TEX29: variants seen among roughly 807,000 people sequenced by gnomAD.
TEX29 encodes the protein testis expressed 29.
TEX29 carries 26 observed loss-of-function variants against 18.2 expected under a neutral mutation model. That is an observed-to-expected ratio of 1.43 (90% CI 1.04 to 1.98). The LOEUF is 1.98. TEX29 is among the 30% of genes most tolerant of loss of function. The pLI is 0.00. For synonymous variants in TEX29, 83 were observed against 78.5 expected, an observed-to-expected ratio of 1.06 and a Z score of -0.31; for missense variants, 177 against 194.2, an observed-to-expected ratio of 0.91 and a Z score of 0.53.
intron 2 of TEX29, among the ~76,000 whole-genome samples, chr13:111,322,644 C>T (rs1028700654): frequency 6.6e-6 from 1 of 152,214 alleles, no homozygotes; most frequent in Admixed American, 6.5e-5. Flanking sequence ...TTGCCATGGC[C>T]ATGCCCAGGA....
chr13:111,318,564 C>T (rs1431748035), upstream of TEX29, among the ~76,000 whole-genome samples: 1 of 152,178 alleles, frequency 6.6e-6, no homozygotes, highest in Non-Finnish European at 1.5e-5. Flanking sequence ...CAGTGGCTCC[C>T]GCAGCTTCCC....
chr13:111,334,230 G>T (rs567774999), intron 3 of TEX29, among the ~76,000 whole-genome samples: 2 of 152,244 alleles, frequency 1.3e-5, no homozygotes, highest in Admixed American at 1.3e-4. Flanking sequence ...CACCTCCCCA[G>T]GTTTTATTGT....
chr13:111,339,286 G>A (rs776897058), intron 3 of TEX29: 8 of 454,890 alleles, frequency 1.8e-5, no homozygotes, highest in Non-Finnish European at 3.1e-5. Context: ...TGTTTTCCTT[G>A]TATTCAGTTT....
intron 3 of TEX29, among the ~76,000 whole-genome samples, chr13:111,328,911 G>A (rs545396957): frequency 4.6e-5 from 7 of 152,336 alleles, no homozygotes; most frequent in African/African-American, 1.7e-4. Context: ...CTTCCGGAGG[G>A]AGGCGCGCCC....
chr13:111,339,370 A>T, intron 3 of TEX29: 2 of 455,280 alleles, frequency 4.4e-6, no homozygotes, highest in South Asian at 3.1e-5. Flanking sequence ...CAGAGGGGCC[A>T]GCGCCATCTC....
In TEX29 at chr13:111,344,077, A is replaced by G. The variant is rs1156391881; in HGVS notation, c.416-6A>G. The G allele has an allele frequency of 1.9e-6, 3 of 1,609,858 alleles. No individual in the cohort carries two copies. The highest frequency in any genetic ancestry group is 3.4e-5 in the Admixed American group (2 of 59,688). On this transcript the variant is annotated splice_region_variant and splice_polypyrimidine_tract_variant and intron_variant, in intron 5 of 5. Transcript: ENST00000283547. ...AAAAAACAATTCTTCTTTTCTAAAA[A>G]TCTAGTAACAGGGACAATAACAGAA...
In TEX29 at chr13:111,342,840, C is replaced by G; in HGVS notation, c.324C>G (p.Ala108=). ...PQKSSEKAEL[A]SSSSKLGLKP... is the part of the protein sequence containing the mutation. ...AGTCCAGCGAAAAGGCGGAGTTGGC[C>G]TCATCCAGCAGCAAGTTAGGGCTGA... The change falls in exon 5 of 6, where the codon GCC becomes GCG. Residue 108 remains alanine (A), a synonymous_variant. Coordinates refer to ENST00000283547, the MANE Select transcript of TEX29 (RefSeq NM_152324.3). 6.2e-7 allele frequency: 1 copy of G among 1,614,150 alleles called. No individual in the cohort carries two copies. The highest frequency in any genetic ancestry group is 8.5e-7 in the Non-Finnish European group (1 of 1,180,040).
At chr13:111,330,436 C>T (rs943346236) in intron 3 of TEX29, among the ~76,000 whole-genome samples, 1 of 152,226 alleles carries the variant, frequency 6.6e-6, no homozygotes, top group African/African-American at 2.4e-5. Flanking sequence ...ACGACGGCTC[C>T]TGCAGATCCT....
chr13:111,344,165 A>C lies in TEX29; in HGVS notation c.*42A>C, dbSNP rs777311457. 6.4e-7 allele frequency: 1 copy of C among 1,553,518 alleles called. No individual in the cohort carries two copies. Among genetic ancestry groups the C allele is most frequent in the South Asian group, 1.1e-5 (1 of 89,490 alleles). ...AGTGGAGATTGTCAGAATTATCCAA[A>C]TGAAATGGTACAGCAGGTGCACTGT... On this transcript the variant is annotated 3_prime_UTR_variant, in exon 6 of 6. Coordinates refer to ENST00000283547, the MANE Select transcript of TEX29 (RefSeq NM_152324.3).
At chr13:111,340,132 A>C (rs1454295982) in intron 4 of TEX29, among the ~76,000 whole-genome samples, 200 bp downstream of exon 4, 2 of 151,916 alleles carry the variant, frequency 1.3e-5, no homozygotes, top group Admixed American at 6.6e-5. Flanking sequence ...TGTTGATGAA[A>C]ATCATAACCC....
chr13:111,317,622 A>G (rs1262838138), upstream of TEX29, among the ~76,000 whole-genome samples: 1 of 152,244 alleles, frequency 6.6e-6, no homozygotes, highest in Non-Finnish European at 1.5e-5. Flanking sequence ...CAGCGAAGTC[A>G]TCAACACGGG....
intron 3 of TEX29, among the ~76,000 whole-genome samples, chr13:111,337,285 C>A (rs906869709): frequency 1.3e-5 from 2 of 152,150 alleles, no homozygotes; most frequent in African/African-American, 2.4e-5. Context: ...TTGGCTGTCT[C>A]ATGAGATTGT....
Position 111,342,739 on chromosome 13 carries a change from A to T in TEX29, c.240-17A>T. 6.2e-7 allele frequency: 1 copy of T among 1,610,172 alleles called. No individual in the cohort carries two copies. Among genetic ancestry groups the T allele is most frequent in the Non-Finnish European group, 8.5e-7 (1 of 1,177,112 alleles). On this transcript the variant is annotated splice_polypyrimidine_tract_variant and intron_variant, in intron 4 of 5. Coordinates refer to ENST00000283547, the MANE Select transcript of TEX29 (RefSeq NM_152324.3). ...TCTGTAACTTCCCTGACTGTGATAA[A>T]ACCCTCTTCCCATCAGAGTCATTCA...
chr13:111,330,248 C>T (rs1205276544), intron 3 of TEX29, among the ~76,000 whole-genome samples: 2 of 152,174 alleles, frequency 1.3e-5, no homozygotes, highest in Non-Finnish European at 2.9e-5. Context: ...ATATTCTGGG[C>T]ACAAAATCAG....
At position 111,328,291 on chromosome 13, in the gene TEX29, C is replaced by A; in HGVS notation, c.167C>A (p.Pro56His). The A allele has an allele frequency of 6.2e-7, 1 of 1,612,384 alleles. No individual in the cohort carries two copies. The highest frequency in any genetic ancestry group is 8.5e-7 in the Non-Finnish European group (1 of 1,179,104). Reference protein sequence around the residue: ...YEGVCYKKAVPIYIHVFSALI... With the variant: ...YEGVCYKKAVHIYIHVFSALI... ...GGCGTCTGCTACAAGAAAGCGGTTC[C>A]CAGTGAGTAGACGCCCCGGCCACCC... The change falls in exon 3 of 6, where the codon CCC (proline) becomes CAC (histidine). Residue 56 changes from proline to histidine, a missense_variant and splice_region_variant. Physicochemically the swap from Pro to His is moderately conservative, Grantham distance 77. Transcript: ENST00000283547.
At chr13:111,339,785 G>A (rs1567164736) in intron 3 of TEX29, 78 bp from the exon 4 acceptor site, 7 of 1,495,796 alleles carry the variant, frequency 4.7e-6, no homozygotes, top group Non-Finnish European at 3.7e-6. Context: ...CCCGACTCTG[G>A]GAGGGTTGCC....
At chr13:111,328,364 C>G (rs1206038234) in intron 3 of TEX29, 71 bp downstream of exon 3, 28 of 1,018,114 alleles carry the variant, frequency 2.8e-5, no homozygotes, top group Non-Finnish European at 4.0e-5. Flanking sequence ...CACTGCCCTG[C>G]CTGTCTCCCT....
chr13:111,334,971 G>C (rs2093687581), intron 3 of TEX29, among the ~76,000 whole-genome samples: 1 of 152,272 alleles, frequency 6.6e-6, no homozygotes, highest in East Asian at 1.9e-4. Context: ...AGGAGAGATG[G>C]GAACAGGGCT....
chr13:111,319,036 T>C (rs2093659319), upstream of TEX29, among the ~76,000 whole-genome samples: 1 of 152,192 alleles, frequency 6.6e-6, no homozygotes, highest in East Asian at 1.9e-4. Flanking sequence ...GGGAGCTCTC[T>C]GAGGCCTCTT....
Sources: gnomAD v4.1 joint callset for allele counts (sites outside exome capture counted in the v4.1 genomes callset) on GRCh38, gnomAD v4.1.1 for gene constraint, MANE v1.5 for transcripts, NCBI Gene and HGNC (gene_info 2026-07-23, HGNC 2026-07-21) for gene names.